Variants in LRPAP1 observed in about 807,000 individuals in gnomAD.
LRPAP1 encodes the protein LDL receptor related protein associated protein 1, also known as alpha-2-macroglobulin receptor-associated protein.
Under a neutral mutation model 39.9 loss-of-function variants are expected in LRPAP1, and 41 were observed. The ratio of observed to expected loss-of-function variants is 1.03; its 90% CI spans 0.80 to 1.33. LRPAP1 has a LOEUF of 1.33. LRPAP1 is among the 40% of genes most tolerant of loss of function. The probability of loss-of-function intolerance (pLI) is 0.00; values close to 1 mark genes in which losing one functional copy is unlikely to be tolerated. For synonymous variants in LRPAP1, 263 were observed against 212.7 expected (o/e 1.24, Z -2.06); for missense variants, 565 against 482.3 (o/e 1.17, Z -1.61).
In LRPAP1 at chr4:3,508,787, T is replaced by C. The variant is rs3184; in HGVS notation, c.*4187A>G. Reference sequence around the variant, plus strand: ...CCCTCAGCAAATGAGGAAGCTCTTCTGCCTGTAAGTGCACCAGTGCAAACC... The same window carrying C: ...CCCTCAGCAAATGAGGAAGCTCTTCCGCCTGTAAGTGCACCAGTGCAAACC... On this transcript the variant is annotated 3_prime_UTR_variant, in exon 8 of 8. Coordinates refer to ENST00000650182, the MANE Select transcript of LRPAP1 (RefSeq NM_002337.4). The C allele has an allele frequency of 0.7, 106,356 of 151,972 alleles. 37,713 individuals are homozygous for C. The highest frequency in any genetic ancestry group is 0.93 in the East Asian group (4,771 of 5,146). The allele number at this position is 151,972 out of a possible 1,614,324, so 9.4% of individuals were successfully genotyped here. A position where few individuals can be genotyped will look rare whatever the true frequency, so the allele number is the denominator to read the frequency against.
At chr4:3,517,945 G>A (rs976261051) in intron 5 of LRPAP1, 89 bp downstream of exon 5, 53 of 1,483,256 alleles carry the variant, frequency 3.6e-5, no homozygotes, top group Middle Eastern at 2.4e-4. Flanking sequence ...CCAGGTTCCC[G>A]TCGCTACAAG....
At chr4:3,515,948 G>T in intron 6 of LRPAP1, 168 bp downstream of exon 6, 1 of 662,080 alleles carries the variant, frequency 1.5e-6, no homozygotes, top group Non-Finnish European at 2.6e-6. Flanking sequence ...GAGTTCCCAC[G>T]CAGATGAGAA....
chr4:3,508,878 G>A lies in LRPAP1; in HGVS notation c.*4096C>T, dbSNP rs1318147551. 2.0e-5 allele frequency: 3 copies of A among 151,878 alleles called. No individual in the cohort carries two copies. The highest frequency in any genetic ancestry group is 2.9e-5 in the Non-Finnish European group (2 of 67,998). 9.4% of individuals were successfully genotyped at this position (151,878 alleles called of 1,614,324 possible). A position where few individuals can be genotyped will look rare whatever the true frequency, so the allele number is the denominator to read the frequency against. On this transcript the variant is annotated 3_prime_UTR_variant, in exon 8 of 8. Transcript: ENST00000650182. ...ACTGGGAATAAGATTAGCGAGCGCC[G>A]GCTCACCTCACCAGTGCAGTGAGAA...
Position 3,531,740 on chromosome 4 carries a change from A to G in LRPAP1, c.204+469T>C, listed in dbSNP as rs188760523. On this transcript the variant is annotated intron_variant, in intron 1 of 7. Transcript: ENST00000650182. Reference sequence around the variant, plus strand: ...ACCGATCCCATCTCCTCACCTCCTCATTTCTCGCTCAAATGAACAAGCACG... The same window carrying G: ...ACCGATCCCATCTCCTCACCTCCTCGTTTCTCGCTCAAATGAACAAGCACG... Among the ~76,000 whole-genome samples the G allele has an allele frequency of 7.4e-4, 112 of 152,252 alleles. 1 individual carries two copies. The highest frequency in any genetic ancestry group is 2.6e-3 in the African/African-American group (108 of 41,568).
chr4:3,509,841 C>G lies in LRPAP1; in HGVS notation c.*3133G>C, dbSNP rs1377928574. On this transcript the variant is annotated 3_prime_UTR_variant, in exon 8 of 8. Transcript: ENST00000650182. Reference sequence around the variant, plus strand: ...GTGGACACTGGAGACTGTTGAGACGCCGACTGGAGTCACACACGGCAGTCA... The same window carrying G: ...GTGGACACTGGAGACTGTTGAGACGGCGACTGGAGTCACACACGGCAGTCA... 1 of 151,128 alleles carries G rather than the reference C, an allele frequency of 6.6e-6. No homozygotes were observed. The highest frequency in any genetic ancestry group is 1.5e-5 in the Non-Finnish European group (1 of 67,892). 9.4% of individuals were successfully genotyped at this position (151,128 alleles called of 1,614,324 possible).
intron 6 of LRPAP1, 111 bp downstream of exon 6, chr4:3,516,005 G>C (rs1794444): frequency 0.33 from 355,489 of 1,075,304 alleles, 62,469 homozygotes; most frequent in Admixed American, 0.53. Context: ...GAAACTGCGA[G>C]AATCTTGAGA....
In LRPAP1 at chr4:3,505,097, G is replaced by A. The variant is rs1729313481; in HGVS notation, c.*7877C>T. Among the ~76,000 whole-genome samples, 1 of 152,072 alleles carries A rather than the reference G, an allele frequency of 6.6e-6. No individual in the cohort carries two copies. Among genetic ancestry groups the A allele is most frequent in the South Asian group, 2.1e-4 (1 of 4,816 alleles). On this transcript the variant is annotated 3_prime_UTR_variant, in exon 8 of 8. Transcript: ENST00000650182. The stretch of plus-strand genomic sequence containing the variant: ...TGTGCCCTACCATGCACGCAGCCAT[G>A]GTGGCCCGGGTCCTGCCACGCACGC...
Position 3,521,456 on chromosome 4 carries a change from C to T in LRPAP1, c.350-1263G>A, listed in dbSNP as rs547610098. On this transcript the variant is annotated intron_variant, in intron 2 of 7. Transcript: ENST00000650182. ...CATGCTCTGGGCTCAGCAGGCCCCA[C>T]CCCCGCACCTCTCCCAAAGGTCCAT... is the stretch of plus-strand genomic sequence containing the variant. 1.4e-4 allele frequency among the ~76,000 whole-genome samples: 22 copies of T among 152,276 alleles called. No homozygotes were observed. The South Asian group carries it at 4.2e-3, about 29-fold the overall frequency.
chr4:3,515,171 CG>C, intron 6 of LRPAP1, among the ~76,000 whole-genome samples: 1 of 152,278 alleles, frequency 6.6e-6, no homozygotes, highest in Middle Eastern at 3.4e-3. Flanking sequence ...ATGGCACCCC[CG>C]CCCCCCGAAT....
At position 3,504,758 on chromosome 4, in the gene LRPAP1, A is replaced by C. The variant is rs914943127; in HGVS notation, c.*8216T>G. Among the ~76,000 whole-genome samples the C allele has an allele frequency of 1.3e-5, 2 of 151,314 alleles. No individual in the cohort carries two copies. The highest frequency in any genetic ancestry group is 1.5e-5 in the Non-Finnish European group (1 of 67,826). ...GAGATTCCATCTCAAAAAAAAAAAA[A>C]AAAAAACCAAAAAACAAAACACACA... On this transcript the variant is annotated 3_prime_UTR_variant, in exon 8 of 8. Coordinates refer to ENST00000650182, the MANE Select transcript of LRPAP1 (RefSeq NM_002337.4).
Position 3,531,584 on chromosome 4 carries a change from G to A in LRPAP1, c.204+625C>T, listed in dbSNP as rs114059009. On this transcript the variant is annotated intron_variant, in intron 1 of 7. Transcript: ENST00000650182. The stretch of plus-strand genomic sequence containing the variant: ...GTTGTCCCGGGGGGCCCCACCGGCC[G>A]AGCCACCTTGGGGGTGCCCTTTCCC... Among the ~76,000 whole-genome samples, 1,495 of 152,166 alleles carry A rather than the reference G, an allele frequency of 9.8e-3. 28 individuals carry two copies. Among genetic ancestry groups the A allele is most frequent in the African/African-American group, 0.035 (1,438 of 41,538 alleles).
chr4:3,505,023 C>A lies in LRPAP1; in HGVS notation c.*7951G>T, dbSNP rs1298129693. On this transcript the variant is annotated 3_prime_UTR_variant, in exon 8 of 8. Coordinates refer to ENST00000650182, the MANE Select transcript of LRPAP1 (RefSeq NM_002337.4). ...ACCAGAGGGAAAGACAGGAACAGAC[C>A]ATTGGAGACTTTAGGGATGGTTAGT... 3.9e-5 allele frequency among the ~76,000 whole-genome samples: 6 copies of A among 152,286 alleles called. 1 individual carries two copies. In the Middle Eastern group the frequency reaches 0.01, roughly 259 times the overall value.
At position 3,521,694 on chromosome 4, in the gene LRPAP1, C is replaced by T. The variant is rs374855418; in HGVS notation, c.350-1501G>A. ...TTGTGATCTTCCTAAGCGTGAAAAA[C>T]CAGCCTGTGGTCTTGTCCCTGAGGA... On this transcript the variant is annotated intron_variant, in intron 2 of 7. Transcript: ENST00000650182. 8.5e-5 allele frequency among the ~76,000 whole-genome samples: 13 copies of T among 152,360 alleles called. No homozygotes were observed. The South Asian group carries it at 1.4e-3, about 17-fold the overall frequency.
At chr4:3,525,718 C>T (rs549981662) in intron 1 of LRPAP1, among the ~76,000 whole-genome samples, 10 of 152,214 alleles carry the variant, frequency 6.6e-5, no homozygotes, top group Non-Finnish European at 1.2e-4. Flanking sequence ...GCAGGGCAGG[C>T]CACGCTTCAT....
intron 1 of LRPAP1, among the ~76,000 whole-genome samples, chr4:3,531,539 C>T (rs1277452097): frequency 6.6e-6 from 1 of 152,208 alleles, no homozygotes; most frequent in Non-Finnish European, 1.5e-5. Context: ...GGCCCAGGGT[C>T]ACGCACCAAT....
At chr4:3,516,315 C>T in intron 5 of LRPAP1, 117 bp from the exon 6 acceptor site, 1 of 697,276 alleles carries the variant, frequency 1.4e-6, no homozygotes, top group Non-Finnish European at 2.4e-6. Context: ...GCGCGACCTG[C>T]ATGTGTGTGA....
At position 3,509,787 on chromosome 4, in the gene LRPAP1, C is replaced by T. The variant is rs944700536; in HGVS notation, c.*3187G>A. On this transcript the variant is annotated 3_prime_UTR_variant, in exon 8 of 8. Transcript: ENST00000650182. ...TGGACACTGGAGACTGCTGAGACGC[C>T]GACTGGAGTCACACACGGCAGTCAA... 8 of 99,296 alleles carry T rather than the reference C, an allele frequency of 8.1e-5. No homozygotes were observed. The highest frequency in any genetic ancestry group is 3.1e-4 in the African/African-American group (8 of 25,556). The allele number at this position is 99,296 out of a possible 1,614,324, so 6.2% of individuals were successfully genotyped here.
At chr4:3,519,174 C>T (rs1454307478) in intron 3 of LRPAP1, among the ~76,000 whole-genome samples, 183 bp from the exon 4 acceptor site, 3 of 152,194 alleles carry the variant, frequency 2.0e-5, no homozygotes, top group South Asian at 4.1e-4. Context: ...CGGCAGGCAA[C>T]CACCCTTCTC....
intron 1 of LRPAP1, among the ~76,000 whole-genome samples, chr4:3,531,135 C>T (rs1730237378): frequency 6.6e-6 from 1 of 152,106 alleles, no homozygotes. Context: ...AGCGTTCTCC[C>T]ACCTCCCACC....
Sources: gnomAD v4.1 joint callset for allele counts (sites outside exome capture counted in the v4.1 genomes callset) on GRCh38, gnomAD v4.1.1 for gene constraint, MANE v1.5 for transcripts, NCBI Gene and HGNC (gene_info 2026-07-23, HGNC 2026-07-21) for gene names.